PRKAR1A: variants seen among roughly 807,000 people sequenced by gnomAD.
PRKAR1A encodes the protein protein kinase cAMP-dependent type I regulatory subunit alpha.
PRKAR1A carries 3 observed loss-of-function variants against 52.0 expected under a neutral mutation model. The observed-to-expected ratio is 0.06, with a 90% CI of 0.03 to 0.15. The LOEUF (loss-of-function observed/expected upper bound fraction) is 0.15, where lower values mean the gene tolerates loss of function less well. Ranked by LOEUF, PRKAR1A falls within the 10% of genes least tolerant of loss-of-function variation. The pLI is 1.00. For missense variants in PRKAR1A, 240 were observed against 477.4 expected (o/e 0.50, Z 4.63); for synonymous variants, 188 against 168.4 (o/e 1.12, Z -0.90).
At chr17:68,488,734 CAAAAA>C in the PRKAR1A span, among the ~76,000 whole-genome samples, 6 of 42,810 alleles carry the variant, frequency 1.4e-4, no homozygotes, top group South Asian at 4.7e-3. Flanking sequence ...CATCTCAAAA[CAAAAA>C]AAAAAAAAAA....
intron 11 of PRKAR1A, chr17:68,543,866 A>G (rs1253295486): frequency 2.7e-6 from 2 of 746,144 alleles, no homozygotes; most frequent in Admixed American, 4.0e-5. Flanking sequence ...CAAGTCAGGA[A>G]TGGCCTGTGG....
At chr17:68,421,922 G>A in the PRKAR1A span, 1 of 1,477,214 alleles carries the variant, frequency 6.8e-7, no homozygotes, top group South Asian at 1.1e-5. Context: ...AGCAGGGAGA[G>A]GCTGGGCACT....
the PRKAR1A span, chr17:68,434,480 C>G: frequency 4.0e-6 from 6 of 1,515,950 alleles, no homozygotes; most frequent in South Asian, 7.1e-5. Context: ...TCTCTGTCCT[C>G]TCCCTAGACA....
At chr17:68,536,554 C>G, downstream of PRKAR1A, 1 of 454,052 alleles carries the variant, frequency 2.2e-6, no homozygotes, top group East Asian at 7.0e-5. Context: ...TCTAGAGGGC[C>G]TCACCTTTCC....
At chr17:68,511,279 C>T (rs925126481), upstream of PRKAR1A, among the ~76,000 whole-genome samples, 1 of 152,172 alleles carries the variant, frequency 6.6e-6, no homozygotes, top group African/African-American at 2.4e-5. Context: ...CAGCCCCTAG[C>T]CAGACACTTG....
intron 4 of PRKAR1A, 73 bp downstream of exon 4, chr17:68,523,889 G>C (rs1020717838): frequency 1.2e-5 from 19 of 1,579,204 alleles, no homozygotes; most frequent in African/African-American, 2.7e-5. Flanking sequence ...AACACTTGTT[G>C]CAAGTTTTAG....
chr17:68,415,931 A>T, the PRKAR1A span, among the ~76,000 whole-genome samples: 1 of 152,194 alleles, frequency 6.6e-6, no homozygotes, highest in Non-Finnish European at 1.5e-5. Context: ...GAGTCTCCCG[A>T]AGGCAGCAGA....
intron 11 of PRKAR1A, among the ~76,000 whole-genome samples, chr17:68,546,526 G>A (rs964770392): frequency 6.6e-6 from 1 of 152,018 alleles, no homozygotes; most frequent in African/African-American, 2.4e-5. Flanking sequence ...CTTATGAAAT[G>A]TATTTCTTAA....
At chr17:68,541,956 T>A in intron 11 of PRKAR1A, 1 of 1,606,470 alleles carries the variant, frequency 6.2e-7, no homozygotes, top group Non-Finnish European at 8.5e-7. Flanking sequence ...TGTCAAGGAC[T>A]GGGCTGTGTG....
Position 68,532,157 on chromosome 17 carries a change from T to C in PRKAR1A, c.*1708T>C, listed in dbSNP as rs893754294. The C allele has an allele frequency of 1.9e-6, 2 of 1,050,198 alleles. No individual in the cohort carries two copies. Among genetic ancestry groups the C allele is most frequent in the African/African-American group, 3.3e-5 (2 of 60,684 alleles). The allele number at this position is 1,050,198 out of a possible 1,614,324, so 65.1% of individuals were successfully genotyped here. ...AATTTCCAAAATAATCTATATTAAA[T>C]GAGGGTTTCTGATCTGTACTTTGTG... On this transcript the variant is annotated 3_prime_UTR_variant, in exon 11 of 11. Transcript: ENST00000589228.
At chr17:68,533,635 A>C (rs1441690203), downstream of PRKAR1A, among the ~76,000 whole-genome samples, 1 of 152,216 alleles carries the variant, frequency 6.6e-6, no homozygotes, top group Non-Finnish European at 1.5e-5. Context: ...AGGCCCTGGC[A>C]GTGTATGTTT....
At chr17:68,550,026 T>G (rs2086759043) in intron 11 of PRKAR1A, among the ~76,000 whole-genome samples, 1 of 152,196 alleles carries the variant, frequency 6.6e-6, no homozygotes, top group African/African-American at 2.4e-5. Flanking sequence ...TGGAATGACT[T>G]GACTTTGCGC....
chr17:68,461,661 T>C, the PRKAR1A span, among the ~76,000 whole-genome samples: 3 of 152,182 alleles, frequency 2.0e-5, no homozygotes, highest in African/African-American at 7.2e-5. The surrounding 1 kb of genome is among the most constrained non-coding windows in gnomAD (Gnocchi z 4.6). Context: ...GAACATGAAC[T>C]GAGAACGAGT....
the PRKAR1A span, among the ~76,000 whole-genome samples, chr17:68,482,617 G>A: frequency 2.6e-5 from 4 of 152,162 alleles, no homozygotes; most frequent in Non-Finnish European, 5.9e-5. Context: ...CCTAGACACC[G>A]GGTGAAGGTT....
chr17:68,540,008 G>C (rs568611810), intron 11 of PRKAR1A: 2 of 1,570,764 alleles, frequency 1.3e-6, no homozygotes, highest in African/African-American at 2.7e-5. Flanking sequence ...AGCAGGCCAG[G>C]GGGACAGGTG....
chr17:68,434,317 CCA>C, the PRKAR1A span, among the ~76,000 whole-genome samples: 4 of 152,258 alleles, frequency 2.6e-5, no homozygotes, highest in Non-Finnish European at 4.4e-5. Flanking sequence ...TGCCGGCCGC[CCA>C]CACACACATC....
At chr17:68,450,573 T>C in the PRKAR1A span, among the ~76,000 whole-genome samples, 2 of 152,368 alleles carry the variant, frequency 1.3e-5, no homozygotes, top group South Asian at 4.1e-4. Context: ...GAGTAGACTC[T>C]GTTTACAATA....
At chr17:68,449,232 T>G in the PRKAR1A span, among the ~76,000 whole-genome samples, 3 of 152,232 alleles carry the variant, frequency 2.0e-5, no homozygotes, top group Non-Finnish European at 4.4e-5. Flanking sequence ...ATTTACTTAT[T>G]TAACAGTCAG....
At chr17:68,485,306 G>C in the PRKAR1A span, among the ~76,000 whole-genome samples, 6 of 152,272 alleles carry the variant, frequency 3.9e-5, no homozygotes, top group Non-Finnish European at 8.8e-5. Flanking sequence ...GCTAATATTG[G>C]GCAAGGATAT....
Sources: gnomAD v4.1 joint callset for allele counts (sites outside exome capture counted in the v4.1 genomes callset) on GRCh38, gnomAD v4.1.1 for gene constraint, Gnocchi (gnomAD v3.1) non-coding constraint, MANE v1.5 for transcripts, NCBI Gene and HGNC (gene_info 2026-07-23, HGNC 2026-07-21) for gene names.